The following CAMKK2 variants were observed in gnomAD, a reference collection of about 807,000 sequenced individuals.
CAMKK2 encodes the protein calcium/calmodulin dependent protein kinase kinase 2.
Under a neutral mutation model 67.2 loss-of-function variants are expected in CAMKK2, and 30 were observed. The ratio of observed to expected loss-of-function variants is 0.45; its 90% CI spans 0.33 to 0.61. The LOEUF (loss-of-function observed/expected upper bound fraction) is 0.61, where lower values mean the gene tolerates loss of function less well. CAMKK2 is among the 20% of genes least tolerant of loss of function. The pLI is 0.02. For synonymous variants in CAMKK2, 322 were observed against 326.2 expected, an observed-to-expected ratio of 0.99 and a Z score of 0.14; for missense variants, 643 against 802.0, an observed-to-expected ratio of 0.80 and a Z score of 2.39.
chr12:121,264,497 G>A (rs1398068297), intron 5 of CAMKK2, among the ~76,000 whole-genome samples: 3 of 152,048 alleles, frequency 2.0e-5, no homozygotes, highest in African/African-American at 7.2e-5. Flanking sequence ...AATTAGGGCC[G>A]GGCACAGTGC....
chr12:121,261,426 T>C (rs1653597), intron 6 of CAMKK2, among the ~76,000 whole-genome samples: 19,863 of 152,164 alleles, frequency 0.13, 1,806 homozygotes, highest in African/African-American at 0.26. Flanking sequence ...CTGCAACTGC[T>C]ATCTCTCTTC....
rs200856127 is a variant in CAMKK2 at position 121,238,404 on chromosome 12, A to G, written c.*2295T>C. On this transcript the variant is annotated 3_prime_UTR_variant, in exon 17 of 17. Transcript: ENST00000404169. ...TCTTTGCCCACTGGAAGAGCTGCTCATAACAGCACCTCCTTTCCTGACAGA... is the reference window on the plus strand; with the variant it reads ...TCTTTGCCCACTGGAAGAGCTGCTCGTAACAGCACCTCCTTTCCTGACAGA... 7 of 152,720 alleles carry G rather than the reference A, an allele frequency of 4.6e-5. No individual in the cohort carries two copies. The highest frequency in any genetic ancestry group is 1.7e-4 in the African/African-American group (7 of 41,586). The allele number at this position is 152,720 out of a possible 1,614,324, so 9.5% of individuals were successfully genotyped here.
At chr12:121,290,669 G>A (rs934624884) in intron 1 of CAMKK2, among the ~76,000 whole-genome samples, 3 of 152,132 alleles carry the variant, frequency 2.0e-5, no homozygotes, top group South Asian at 2.1e-4. Context: ...CAGCCTGGGC[G>A]AGTGAGTGAG....
At chr12:121,244,267 C>A in intron 16 of CAMKK2, 3 of 835,164 alleles carry the variant, frequency 3.6e-6, no homozygotes, top group Non-Finnish European at 5.7e-6. Flanking sequence ...GCTTCAACAC[C>A]ATTGACGTGC....
intron 15 of CAMKK2, among the ~76,000 whole-genome samples, 154 bp downstream of exon 15, chr12:121,244,986 G>T (rs1889143161): frequency 6.6e-6 from 1 of 152,246 alleles, no homozygotes; most frequent in Non-Finnish European, 1.5e-5. Flanking sequence ...AGGTTGGGGT[G>T]CTGACTGTCC....
intron 6 of CAMKK2, among the ~76,000 whole-genome samples, chr12:121,263,519 C>T (rs942451853): frequency 1.3e-5 from 2 of 152,154 alleles, no homozygotes; most frequent in African/African-American, 4.8e-5. Flanking sequence ...GAAAGAGAAC[C>T]AGCTTCAAAG....
chr12:121,260,260 C>A, intron 7 of CAMKK2, 59 bp downstream of exon 7: 1 of 1,467,530 alleles, frequency 6.8e-7, no homozygotes, highest in East Asian at 2.4e-5. Context: ...GAGAGGACCC[C>A]TGGGCATTGG....
intron 9 of CAMKK2, 31 bp downstream of exon 9, chr12:121,255,518 TG>T: frequency 6.4e-7 from 1 of 1,568,846 alleles, no homozygotes; most frequent in Non-Finnish European, 8.7e-7. Context: ...AACTACCCAC[TG>T]GGTGAGAGCC....
At chr12:121,261,069 C>A (rs1893357507) in intron 6 of CAMKK2, among the ~76,000 whole-genome samples, 1 of 152,020 alleles carries the variant, frequency 6.6e-6, no homozygotes, top group African/African-American at 2.4e-5. Context: ...TGCCCCTAAC[C>A]CCACAGGAAA....
upstream of CAMKK2, chr12:121,297,395 A>AATT: frequency 2.8e-6 from 1 of 351,648 alleles, no homozygotes; most frequent in Non-Finnish European, 5.7e-6. Context: ...GCCGGCCCTA[A>AATT]AGGCTGGGGG....
intron 1 of CAMKK2, among the ~76,000 whole-genome samples, chr12:121,283,523 T>G (rs1202513054): frequency 1.3e-5 from 2 of 152,114 alleles, no homozygotes; most frequent in Non-Finnish European, 2.9e-5. Flanking sequence ...TACACCAGGT[T>G]CAAAGCTATC....
In CAMKK2 at chr12:121,240,297, G is replaced by T; in HGVS notation, c.*402C>A. 1 of 770,328 alleles carries T rather than the reference G, an allele frequency of 1.3e-6. No individual in the cohort carries two copies. The highest frequency in any genetic ancestry group is 2.0e-6 in the Non-Finnish European group (1 of 489,510). The allele number at this position is 770,328 out of a possible 1,614,324, so 47.7% of individuals were successfully genotyped here. ...CTCAAATGCAGCAACCACCTCCATG[G>T]CCTCAGACCGCCGGAGTTTTCTGCT... is the stretch of plus-strand genomic sequence containing the variant. On this transcript the variant is annotated 3_prime_UTR_variant, in exon 17 of 17. Coordinates refer to ENST00000404169, the MANE Select transcript of CAMKK2 (RefSeq NM_001270485.2). This position sits in a 1 kb window ranked among gnomAD's most constrained non-coding sequence, Gnocchi z 4.4.
chr12:121,244,721 C>T, intron 15 of CAMKK2, 106 bp from the exon 16 acceptor site: 2 of 899,998 alleles, frequency 2.2e-6, no homozygotes, highest in Non-Finnish European at 3.4e-6. Flanking sequence ...ACACCAGCTT[C>T]ATAGAGCTGG....
intron 1 of CAMKK2, among the ~76,000 whole-genome samples, chr12:121,275,910 T>G (rs1896703874): frequency 6.6e-6 from 1 of 152,100 alleles, no homozygotes; most frequent in South Asian, 2.1e-4. Flanking sequence ...GCCTGTAATC[T>G]CAGCACTTTG....
intron 4 of CAMKK2, 142 bp from the exon 5 acceptor site, chr12:121,268,831 G>T: frequency 2.7e-6 from 2 of 742,232 alleles, no homozygotes; most frequent in East Asian, 2.6e-5. Context: ...GGTCAACAGA[G>T]TGAGCCCCTC....
Position 121,249,693 on chromosome 12 carries a change from G to A in CAMKK2, c.1323+94C>T, listed in dbSNP as rs546808374. 31 of 995,744 alleles carry A rather than the reference G, an allele frequency of 3.1e-5. No homozygotes were observed. In the South Asian group the frequency reaches 3.8e-4, roughly 12 times the overall value. The allele number at this position is 995,744 out of a possible 1,614,324, so 61.7% of individuals were successfully genotyped here. A position where few individuals can be genotyped will look rare whatever the true frequency, so the allele number is the denominator to read the frequency against. ...TAGGAGAACAGCGGTGCCAAGGAGG[G>A]TGTGGTGCTGTGGACACAAGGGTGT... On this transcript the variant is annotated intron_variant, in intron 13 of 16. Coordinates refer to ENST00000404169, the MANE Select transcript of CAMKK2 (RefSeq NM_001270485.2).
At chr12:121,289,111 G>C (rs570677695) in intron 1 of CAMKK2, among the ~76,000 whole-genome samples, 3 of 152,030 alleles carry the variant, frequency 2.0e-5, no homozygotes, top group Non-Finnish European at 2.9e-5. Context: ...GTGAAGGGTC[G>C]AGCCTGCAGA....
At position 121,237,730 on chromosome 12, in the gene CAMKK2, G is replaced by A. The variant is rs1226132180; in HGVS notation, c.*2969C>T. 6.6e-6 allele frequency: 1 copy of A among 152,568 alleles called. No homozygotes were observed. Among genetic ancestry groups the A allele is most frequent in the Non-Finnish European group, 1.5e-5 (1 of 68,056 alleles). 9.5% of individuals were successfully genotyped at this position (152,568 alleles called of 1,614,324 possible). On this transcript the variant is annotated 3_prime_UTR_variant, in exon 17 of 17. Coordinates refer to ENST00000404169, the MANE Select transcript of CAMKK2 (RefSeq NM_001270485.2). This position sits in a 1 kb window ranked among gnomAD's most constrained non-coding sequence, Gnocchi z 4.5. ...GCTGTCTGTTTATTTCAACTGTACAGAGAAGCTTAAACACCTGTGGAAAAA... is the reference window on the plus strand; with the variant it reads ...GCTGTCTGTTTATTTCAACTGTACAAAGAAGCTTAAACACCTGTGGAAAAA...
At chr12:121,260,048 C>A (rs886325569) in intron 7 of CAMKK2, among the ~76,000 whole-genome samples, 1 of 152,210 alleles carries the variant, frequency 6.6e-6, no homozygotes, top group Non-Finnish European at 1.5e-5. Context: ...CACCACTGAA[C>A]TGTAAGCCTG....
Sources: allele counts gnomAD v4.1 joint callset (sites outside exome capture counted in the v4.1 genomes callset), GRCh38; gene constraint gnomAD v4.1.1; non-coding constraint Gnocchi (gnomAD v3.1); transcripts MANE v1.5; gene names NCBI Gene and HGNC (gene_info 2026-07-23, HGNC 2026-07-21).